TNFRSF8: variants seen among roughly 807,000 people sequenced by gnomAD.
The protein encoded by TNFRSF8 is TNF receptor superfamily member 8, also known as tumor necrosis factor receptor superfamily member 8.
Under a neutral mutation model 70.8 loss-of-function variants are expected in TNFRSF8, and 26 were observed. The observed-to-expected ratio is 0.37, with a 90% CI of 0.27 to 0.51. TNFRSF8 has a LOEUF of 0.51. Among genes scored for constraint, TNFRSF8 ranks in the 20% least tolerant of loss-of-function variants. TNFRSF8 has a pLI of 0.94. For synonymous variants in TNFRSF8, 356 were observed against 339.2 expected (o/e 1.05, Z -0.54); for missense variants, 720 against 807.9 (o/e 0.89, Z 1.32).
At chr1:12,116,193 CTGG>C (rs1641726611) in intron 8 of TNFRSF8, among the ~76,000 whole-genome samples, 1 of 151,946 alleles carries the variant, frequency 6.6e-6, no homozygotes, top group Admixed American at 6.6e-5. Flanking sequence ...GTTGGTCAGG[CTGG>C]TCTCGAACTC....
At chr1:12,092,438 G>T (rs554779484) in intron 2 of TNFRSF8, among the ~76,000 whole-genome samples, 2 of 151,272 alleles carry the variant, frequency 1.3e-5, no homozygotes, top group African/African-American at 4.9e-5. Context: ...CTCCTAAAGT[G>T]TTGGGATTAC....
chr1:12,084,970 C>T (rs1433259602), intron 2 of TNFRSF8, among the ~76,000 whole-genome samples: 1 of 152,154 alleles, frequency 6.6e-6, no homozygotes, highest in Non-Finnish European at 1.5e-5. Flanking sequence ...ACCAGGGTCA[C>T]ACAGTTGGGA....
At position 12,141,498 on chromosome 1, in the gene TNFRSF8, GCT is replaced by G. The variant is rs1318322795; in HGVS notation, c.1544-788_1544-787del. ...ATGTGCTCACAGCACAGCCATGCAC[GCT>G]GCAGGCAGGAGACCGGCTGTGAGCA... On this transcript the variant is annotated intron_variant, in intron 14 of 14. Coordinates refer to ENST00000263932, the MANE Select transcript of TNFRSF8 (RefSeq NM_001243.5). This position sits in a 1 kb window ranked among gnomAD's most constrained non-coding sequence, Gnocchi z 5.4. Among the ~76,000 whole-genome samples the G allele has an allele frequency of 6.6e-6, 1 of 152,254 alleles. No homozygotes were observed. Among genetic ancestry groups the G allele is most frequent in the Non-Finnish European group, 1.5e-5 (1 of 68,048 alleles).
chr1:12,094,736 C>T (rs1464398751), intron 2 of TNFRSF8, among the ~76,000 whole-genome samples: 1 of 151,816 alleles, frequency 6.6e-6, no homozygotes, highest in Non-Finnish European at 1.5e-5. Flanking sequence ...AGCAATTCTC[C>T]TGCCTCAGCC....
intron 2 of TNFRSF8, among the ~76,000 whole-genome samples, chr1:12,090,014 C>G (rs974162625): frequency 3.7e-4 from 55 of 149,602 alleles, no homozygotes; most frequent in African/African-American, 1.4e-3. Flanking sequence ...CCCATCTACC[C>G]ACCCATCCAC....
chr1:12,120,243 C>T (rs1159781900), intron 8 of TNFRSF8, among the ~76,000 whole-genome samples: 3 of 152,062 alleles, frequency 2.0e-5, no homozygotes, highest in Non-Finnish European at 4.4e-5. Flanking sequence ...ATCTAGAGAC[C>T]AGCACTCCAT....
intron 3 of TNFRSF8, among the ~76,000 whole-genome samples, chr1:12,099,647 A>G (rs1641386555): frequency 6.6e-6 from 1 of 151,904 alleles, no homozygotes; most frequent in Admixed American, 6.6e-5. Flanking sequence ...TGACAGGAAT[A>G]CATTCTGACA....
At position 12,123,320 on chromosome 1, in the gene TNFRSF8, C is replaced by T; in HGVS notation, c.983C>T (p.Pro328Leu). 6.2e-7 allele frequency: 1 copy of T among 1,613,454 alleles called. No individual in the cohort carries two copies. Among genetic ancestry groups the T allele is most frequent in the Non-Finnish European group, 8.5e-7 (1 of 1,179,836 alleles). Residue 328 changes from proline to leucine, a missense_variant, in exon 9 of 15, where the codon CCC (proline) becomes CTC (leucine). Coordinates refer to ENST00000263932, the MANE Select transcript of TNFRSF8 (RefSeq NM_001243.5). ...AEKDTTFEAP[P>L]LGTQPDCNPT... Reference sequence around the variant, plus strand: ...AAGGACACCACCTTTGAGGCGCCACCCCTGGGGACCCAGCCGGACTGCAAC... The same window carrying T: ...AAGGACACCACCTTTGAGGCGCCACTCCTGGGGACCCAGCCGGACTGCAAC...
In TNFRSF8 at chr1:12,138,509, C is replaced by A; in HGVS notation, c.1543+73C>A. The stretch of plus-strand genomic sequence containing the variant: ...GGAGATGAATACGGGGCCCTGGGCC[C>A]TGGAAGGGACCTGGAGACCCTGGAG... On this transcript the variant is annotated intron_variant, in intron 14 of 14. Transcript: ENST00000263932. This position sits in a 1 kb window ranked among gnomAD's most constrained non-coding sequence, Gnocchi z 5.7. 1 of 1,418,136 alleles carries A rather than the reference C, an allele frequency of 7.1e-7. No individual in the cohort carries two copies. The highest frequency in any genetic ancestry group is 2.4e-5 in the East Asian group (1 of 41,012). 87.8% of individuals were successfully genotyped at this position (1,418,136 alleles called of 1,614,324 possible). A position where few individuals can be genotyped will look rare whatever the true frequency, so the allele number is the denominator to read the frequency against.
rs777633643 is a variant in TNFRSF8 at position 12,109,242 on chromosome 1, G to A, written c.422-324G>A. On this transcript the variant is annotated intron_variant, in intron 4 of 14. Transcript: ENST00000263932. The surrounding 1 kb of genome is among the most constrained non-coding windows in gnomAD (Gnocchi z 4.4). ...CCTCACAGGCTTGGGTCACATGTCC[G>A]TCCCTGAACTGGCTCATCGTGGCCA... Among the ~76,000 whole-genome samples, 1 of 152,118 alleles carries A rather than the reference G, an allele frequency of 6.6e-6. No individual in the cohort carries two copies. Among genetic ancestry groups the A allele is most frequent in the South Asian group, 2.1e-4 (1 of 4,824 alleles).
intron 1 of TNFRSF8, among the ~76,000 whole-genome samples, chr1:12,070,267 T>C (rs1166481621): frequency 1.3e-5 from 2 of 152,062 alleles, no homozygotes; most frequent in Non-Finnish European, 2.9e-5. Flanking sequence ...TTTTCTTTTT[T>C]TGAGACGGAG....
At chr1:12,080,540 T>C (rs769166499) in intron 1 of TNFRSF8, 1 of 441,984 alleles carries the variant, frequency 2.3e-6, no homozygotes, top group Admixed American at 2.7e-5. Context: ...TCGAGGATAT[T>C]TGGGCTTTTA....
At chr1:12,125,879 A>G in intron 10 of TNFRSF8, 72 bp from the exon 11 acceptor site, 1 of 1,185,012 alleles carries the variant, frequency 8.4e-7, no homozygotes, top group South Asian at 1.2e-5. Context: ...AGAAGGAGGA[A>G]GTCGTCTGGG....
At chr1:12,135,362 G>GGTCCCCT (rs1642126472) in intron 12 of TNFRSF8, among the ~76,000 whole-genome samples, 1 of 151,364 alleles carries the variant, frequency 6.6e-6, no homozygotes, top group Non-Finnish European at 1.5e-5. Context: ...GGATAGAGGT[G>GGTCCCCT]GTCCCCTGTC....
intron 2 of TNFRSF8, among the ~76,000 whole-genome samples, chr1:12,096,775 C>T (rs545189671): frequency 1.6e-4 from 24 of 149,150 alleles, no homozygotes; most frequent in African/African-American, 5.6e-4. Context: ...AATATATACA[C>T]GTACTATGTA....
rs1641713982 is a variant in TNFRSF8, at chr1:12,115,642, A to G, written c.859A>G (p.Met287Val). The change falls in exon 8 of 15, where the codon ATG becomes GTG. Residue 287 changes from methionine to valine, a missense_variant. Met to Val is a conservative substitution (Grantham distance 21). Coordinates refer to ENST00000263932, the MANE Select transcript of TNFRSF8 (RefSeq NM_001243.5). ...SSRTCECRPG[M>V]ICATSATNSC... ...CCGCACCTGCGAATGTCGACCTGGC[A>G]TGATCTGTGCCACATCAGCCACCAA... The G allele has an allele frequency of 1.9e-6, 3 of 1,614,062 alleles. No homozygotes were observed. The highest frequency in any genetic ancestry group is 1.3e-5 in the African/African-American group (1 of 74,898).
At chr1:12,084,402 G>A in intron 1 of TNFRSF8, 62 bp from the exon 2 acceptor site, 2 of 1,466,118 alleles carry the variant, frequency 1.4e-6, no homozygotes, top group Non-Finnish European at 1.9e-6. Flanking sequence ...GGACTGGTGG[G>A]GACAGAGGGA....
intron 1 of TNFRSF8, among the ~76,000 whole-genome samples, chr1:12,064,172 G>C (rs1213425374): frequency 6.6e-6 from 1 of 152,148 alleles, no homozygotes; most frequent in Non-Finnish European, 1.5e-5. Context: ...AGTGGGGTGA[G>C]GGTGCAGGAC....
chr1:12,071,901 T>G (rs1640854122), intron 1 of TNFRSF8, among the ~76,000 whole-genome samples: 1 of 152,198 alleles, frequency 6.6e-6, no homozygotes, highest in African/African-American at 2.4e-5. Context: ...TTCACCATGT[T>G]GGCCAGGATG....
Sources: allele counts gnomAD v4.1 joint callset (sites outside exome capture counted in the v4.1 genomes callset), GRCh38; gene constraint gnomAD v4.1.1; non-coding constraint Gnocchi (gnomAD v3.1); transcripts MANE v1.5; gene names NCBI Gene and HGNC (gene_info 2026-07-23, HGNC 2026-07-21).